Variants in ARHGAP8 observed in about 807,000 individuals in gnomAD.
ARHGAP8 encodes rho GTPase-activating protein 8.
ARHGAP8 carries 62 observed loss-of-function variants against 46.1 expected under a neutral mutation model. That is an observed-to-expected ratio of 1.34 (90% confidence interval 1.10 to 1.66). ARHGAP8 has a LOEUF of 1.66. Among genes scored for constraint, ARHGAP8 ranks in the 40% most tolerant of loss-of-function variants. The pLI is 0.00. For missense variants in ARHGAP8, 923 were observed against 568.4 expected (o/e 1.62, Z -6.34); for synonymous variants, 375 against 243.1 (o/e 1.54, Z -5.05).
chr22:44,761,965 A>AC (rs201408678), intron 1 of ARHGAP8, among the ~76,000 whole-genome samples: 534 of 151,470 alleles, frequency 3.5e-3, no homozygotes, highest in African/African-American at 4.9e-3. Context: ...GTGTGGGGGA[A>AC]CCCCCCCCAA....
At chr22:44,755,174 C>A (rs6006877) in intron 1 of ARHGAP8, among the ~76,000 whole-genome samples, 33,513 of 152,138 alleles carry the variant, frequency 0.22, 4,090 homozygotes, top group South Asian at 0.46. Context: ...GGTTAAGGTC[C>A]CATGGCTAGT....
chr22:44,800,100 CTTTT>C (rs769010356), intron 2 of ARHGAP8, among the ~76,000 whole-genome samples: 8 of 92,554 alleles, frequency 8.6e-5, no homozygotes, highest in Non-Finnish European at 4.1e-5. Flanking sequence ...TCTGTTCTGT[CTTTT>C]TTTTTTTTTT....
chr22:44,859,544 T>A, intron 10 of ARHGAP8, 187 bp from the exon 11 acceptor site: 1 of 614,230 alleles, frequency 1.6e-6, no homozygotes, highest in Non-Finnish European at 2.9e-6. Flanking sequence ...TCAGCAAGAA[T>A]AGCCAAACAC....
chr22:44,799,534 C>A (rs1026908497), intron 2 of ARHGAP8, among the ~76,000 whole-genome samples: 8 of 152,124 alleles, frequency 5.3e-5, no homozygotes, highest in Non-Finnish European at 1.2e-4. Context: ...GGGCCAGGTC[C>A]TCGGGGGCAG....
intron 2 of ARHGAP8, among the ~76,000 whole-genome samples, chr22:44,794,782 A>G (rs1312869078): frequency 6.6e-6 from 1 of 152,076 alleles, no homozygotes; most frequent in Admixed American, 6.6e-5. Context: ...AAATAATAGA[A>G]TAAGGAACCC....
chr22:44,768,713 C>T (rs1368371542), intron 1 of ARHGAP8, among the ~76,000 whole-genome samples: 6 of 152,154 alleles, frequency 3.9e-5, no homozygotes, highest in Non-Finnish European at 8.8e-5. Flanking sequence ...GCAAGAGTTC[C>T]TTACAGCCCT....
At chr22:44,782,949 A>AC (rs1926950715) in intron 1 of ARHGAP8, among the ~76,000 whole-genome samples, 1 of 152,218 alleles carries the variant, frequency 6.6e-6, no homozygotes, top group South Asian at 2.1e-4. Flanking sequence ...CCACTTGTGC[A>AC]GTGATGGGGG....
In ARHGAP8 at chr22:44,862,486, G is replaced by C; in HGVS notation, c.1193G>C (p.Gly398Ala). The change falls in exon 12 of 12, where the codon GGG becomes GCG. Residue 398 changes from glycine (G) to alanine (A), a missense_variant. Coordinates refer to ENST00000356099, the MANE Select transcript of ARHGAP8 (RefSeq NM_181335.3). Reference protein sequence around the residue: ...GEHGLAPWEQGSRAAPLQEAV... With the variant: ...GEHGLAPWEQASRAAPLQEAV... ...CACGGCCTGGCACCATGGGAACAGG[G>C]GAGCAGGGCAGCCCCTTTGCAGGAG... 1 of 1,613,310 alleles carries C rather than the reference G, an allele frequency of 6.2e-7. No individual in the cohort carries two copies. The highest frequency in any genetic ancestry group is 8.5e-7 in the Non-Finnish European group (1 of 1,179,504).
At chr22:44,838,257 C>A (rs187412744) in intron 7 of ARHGAP8, among the ~76,000 whole-genome samples, 1 of 152,046 alleles carries the variant, frequency 6.6e-6, no homozygotes, top group African/African-American at 2.4e-5. Flanking sequence ...CCTGCCTCAA[C>A]CTCCTAAGTA....
At chr22:44,777,777 C>A (rs9614921) in intron 1 of ARHGAP8, among the ~76,000 whole-genome samples, 8,421 of 152,196 alleles carry the variant, frequency 0.055, 291 homozygotes, top group African/African-American at 0.084. Context: ...CTCACTGCAA[C>A]CTCCGCCTCC....
intron 11 of ARHGAP8, among the ~76,000 whole-genome samples, chr22:44,860,879 C>G (rs746958171): frequency 6.6e-6 from 1 of 152,202 alleles, no homozygotes; most frequent in Non-Finnish European, 1.5e-5. Flanking sequence ...TGAGGAGAGC[C>G]TGAGCAGAGT....
At chr22:44,814,446 C>T (rs1401166564) in intron 4 of ARHGAP8, among the ~76,000 whole-genome samples, 1 of 152,188 alleles carries the variant, frequency 6.6e-6, no homozygotes. Context: ...TGCAGCTGTG[C>T]CTCGGCGAAC....
intron 1 of ARHGAP8, among the ~76,000 whole-genome samples, chr22:44,763,825 G>A (rs1294860189): frequency 6.8e-6 from 1 of 146,128 alleles, no homozygotes; most frequent in Non-Finnish European, 1.5e-5. Context: ...TTTTGAGACG[G>A]AGTCTCAAAA....
At chr22:44,836,901 C>T (rs1177672371) in intron 7 of ARHGAP8, among the ~76,000 whole-genome samples, 3 of 152,148 alleles carry the variant, frequency 2.0e-5, no homozygotes, top group Middle Eastern at 6.8e-3. Flanking sequence ...TGTTTTGAGG[C>T]AGAGGCTCAC....
chr22:44,780,091 T>C (rs5765007), intron 1 of ARHGAP8, among the ~76,000 whole-genome samples: 133,546 of 152,218 alleles, frequency 0.88, 58,669 homozygotes, highest in Non-Finnish European at 0.9. Context: ...GCATAGCTAA[T>C]GTATGTTCTC....
At chr22:44,780,643 C>T (rs4359750) in intron 1 of ARHGAP8, among the ~76,000 whole-genome samples, 133,260 of 152,114 alleles carry the variant, frequency 0.88, 58,466 homozygotes, top group Non-Finnish European at 0.89. Context: ...GCCTGGGCAA[C>T]GGAGCAAGAC....
At chr22:44,817,870 T>A (rs7286160) in intron 5 of ARHGAP8, among the ~76,000 whole-genome samples, 365 of 152,210 alleles carry the variant, frequency 2.4e-3, no homozygotes, top group African/African-American at 8.6e-3. Flanking sequence ...ATCCCAACAC[T>A]TTGGGAGGCC....
chr22:44,832,968 A>ACAC (rs533455887), intron 7 of ARHGAP8, among the ~76,000 whole-genome samples: 70 of 149,650 alleles, frequency 4.7e-4, no homozygotes, highest in Non-Finnish European at 1.6e-4. Context: ...GTCTATTAAA[A>ACAC]ACACACACAC....
intron 5 of ARHGAP8, among the ~76,000 whole-genome samples, chr22:44,820,090 G>GC (rs58147587): frequency 0.51 from 78,057 of 152,128 alleles, 20,432 homozygotes; most frequent in African/African-American, 0.6. Flanking sequence ...CCTGGGTCTC[G>GC]CCAGACCTCC....
Sources: gnomAD v4.1 joint callset for allele counts (sites outside exome capture counted in the v4.1 genomes callset) on GRCh38, gnomAD v4.1.1 for gene constraint, MANE v1.5 for transcripts, NCBI Gene and HGNC (gene_info 2026-07-23, HGNC 2026-07-21) for gene names.